MAP3K11: variants seen among roughly 807,000 people sequenced by gnomAD.
The protein encoded by MAP3K11 is SH3 domain-containing proline-rich kinase.
Under a neutral mutation model 84.9 loss-of-function variants are expected in MAP3K11, and 46 were observed. The observed-to-expected ratio is 0.54, with a 90% CI of 0.43 to 0.69. MAP3K11 has a LOEUF of 0.69. Ranked by LOEUF, MAP3K11 falls within the 30% of genes least tolerant of loss-of-function variation. The pLI is 0.00. For synonymous variants in MAP3K11, 527 were observed against 514.7 expected, an observed-to-expected ratio of 1.02 and a Z score of -0.32; for missense variants, 1,053 against 1,198.3, an observed-to-expected ratio of 0.88 and a Z score of 1.79.
chr11:65,613,596 G>C lies in MAP3K11; in HGVS notation c.161C>G (p.Pro54Arg). 6.2e-7 allele frequency: 1 copy of C among 1,613,128 alleles called. No individual in the cohort carries two copies. Among genetic ancestry groups the C allele is most frequent in the Non-Finnish European group, 8.5e-7 (1 of 1,179,976 alleles). The change falls in exon 1 of 10, where the codon CCC becomes CGC. Residue 54 changes from proline to arginine, a missense_variant. Coordinates refer to ENST00000309100, the MANE Select transcript of MAP3K11 (RefSeq NM_002419.4). The stretch of plus-strand genomic sequence containing the variant: ...CAGGGCCAGCTCATCCTGCCCACTG[G>C]GCTCGTAGTCGAACAGGGCTGTCCA... ...PVWTALFDYE[P>R]SGQDELALRK... is the part of the protein sequence containing the mutation.
Position 65,613,500 on chromosome 11 carries a change from C to T in MAP3K11, c.257G>A (p.Gly86Asp). 6.2e-7 allele frequency: 1 copy of T among 1,611,062 alleles called. No individual in the cohort carries two copies. The highest frequency in any genetic ancestry group is 1.1e-5 in the South Asian group (1 of 90,934). The change falls in exon 1 of 10, where the codon GGC becomes GAC. Residue 86 changes from glycine to aspartate, a missense_variant. By Grantham distance (94) the Gly-to-Asp change is moderately conservative (BLOSUM62 -1). This residue lies in a region of MAP3K11 where 160 missense variants were observed against 167.3 expected (regional missense o/e 0.96). Coordinates refer to ENST00000309100, the MANE Select transcript of MAP3K11 (RefSeq NM_002419.4). Reference protein sequence around the residue: ...AISGDEGWWAGQVGGQVGIFP... With the variant: ...AISGDEGWWADQVGGQVGIFP... Reference sequence around the variant, plus strand: ...GATGCCCACCTGGCCACCCACCTGGCCCGCCCACCAGCCCTCGTCTCCTGA... The same window carrying T: ...GATGCCCACCTGGCCACCCACCTGGTCCGCCCACCAGCCCTCGTCTCCTGA...
intron 1 of MAP3K11, 82 bp from the exon 2 acceptor site, chr11:65,608,530 C>T (rs759169271): frequency 1.0e-4 from 140 of 1,349,848 alleles, no homozygotes; most frequent in Non-Finnish European, 1.4e-4. Context: ...ACTCATCTGA[C>T]GGACATCCTG....
chr11:65,606,533 C>T (rs956846572), intron 6 of MAP3K11, 158 bp downstream of exon 6: 3 of 540,300 alleles, frequency 5.6e-6, no homozygotes, highest in Admixed American at 3.8e-5. Flanking sequence ...ATTAATGCTG[C>T]TTGGGGAGTT....
chr11:65,613,279 T>G lies in MAP3K11; in HGVS notation c.478A>C (p.Ser160Arg). Reference sequence around the variant, plus strand: ...AAGAGCCGGGCCTCCTGGCGAACGCTCTCGGCTGTCACACTGATGTCCTCA... The same window carrying G: ...AAGAGCCGGGCCTCCTGGCGAACGCGCTCGGCTGTCACACTGATGTCCTCA... ...PDEDISVTAESVRQEARLFAM... is the reference protein window; with the variant it reads ...PDEDISVTAERVRQEARLFAM... The change falls in exon 1 of 10, where the codon AGC (serine) becomes CGC (arginine). Residue 160 changes from serine (S) to arginine (R), a missense_variant. By Grantham distance (110) the Ser-to-Arg change is moderately radical (BLOSUM62 -1). This residue lies in a region of MAP3K11 where 310 missense variants were observed against 464.5 expected (regional missense o/e 0.67). Transcript: ENST00000309100. 6.2e-7 allele frequency: 1 copy of G among 1,612,782 alleles called. No homozygotes were observed. Among genetic ancestry groups the G allele is most frequent in the Non-Finnish European group, 8.5e-7 (1 of 1,179,602 alleles).
In MAP3K11 at chr11:65,607,773, G is replaced by A; in HGVS notation, c.1113C>T (p.Ser371=). 1 of 1,613,378 alleles carries A rather than the reference G, an allele frequency of 6.2e-7. No homozygotes were observed. The highest frequency in any genetic ancestry group is 8.5e-7 in the Non-Finnish European group (1 of 1,179,768). Residue 371 remains serine, a synonymous_variant, in exon 4 of 10, where the codon TCC becomes TCT. Transcript: ENST00000309100. ...CCAGCGCCTCCAACTGCTGCAGGAT[G>A]GAGGCGAAGTCGGGCCTGCGGTGGG... ...QDPHRRPDFA[S]ILQQLEALEA...
In MAP3K11 at chr11:65,613,789, C is replaced by T; in HGVS notation, c.-33G>A. The T allele has an allele frequency of 1.3e-6, 2 of 1,501,432 alleles. No homozygotes were observed. Among genetic ancestry groups the T allele is most frequent in the Non-Finnish European group, 1.8e-6 (2 of 1,130,694 alleles). The allele number at this position is 1,501,432 out of a possible 1,614,324, so 93.0% of individuals were successfully genotyped here. A position where few individuals can be genotyped will look rare whatever the true frequency, so the allele number is the denominator to read the frequency against. ...AGCCGGCGCTGGGATGTGTGGAGGACCTTCTCTGGGTGCCCGTGGTCCCCA... is the reference window on the plus strand; with the variant it reads ...AGCCGGCGCTGGGATGTGTGGAGGATCTTCTCTGGGTGCCCGTGGTCCCCA... On this transcript the variant is annotated 5_prime_UTR_variant, in exon 1 of 10. Transcript: ENST00000309100.
At chr11:65,606,841 G>T in intron 5 of MAP3K11, 37 bp from the exon 6 acceptor site, 1 of 1,413,604 alleles carries the variant, frequency 7.1e-7, no homozygotes, top group Non-Finnish European at 9.9e-7. Context: ...GTTCAGGTTT[G>T]TGATGAAGTA....
chr11:65,599,457 C>A lies in MAP3K11; in HGVS notation c.2143G>T (p.Asp715Tyr). 1 of 1,518,206 alleles carries A rather than the reference C, an allele frequency of 6.6e-7. No homozygotes were observed. Among genetic ancestry groups the A allele is most frequent in the South Asian group, 1.3e-5 (1 of 77,822 alleles). 94.0% of individuals were successfully genotyped at this position (1,518,206 alleles called of 1,614,324 possible). A position where few individuals can be genotyped will look rare whatever the true frequency, so the allele number is the denominator to read the frequency against. Residue 715 changes from aspartate (D) to tyrosine (Y), a missense_variant, in exon 9 of 10, where the codon GAC becomes TAC. Asp to Tyr is a radical substitution (Grantham distance 160, BLOSUM62 -3). Coordinates refer to ENST00000309100, the MANE Select transcript of MAP3K11 (RefSeq NM_002419.4). ...CGCTGGCCCACAGGGATACCCAGGT[C>A]CAGCAACAGGGGTGCAGGAGTGGGC... ...SPPTPAPLLLDLGIPVGQRSA... is the reference protein window; with the variant it reads ...SPPTPAPLLLYLGIPVGQRSA...
chr11:65,599,494 C>T lies in MAP3K11; in HGVS notation c.2106G>A (p.Thr702=), dbSNP rs574349499. The change falls in exon 9 of 10, where the codon ACG becomes ACA. Residue 702 remains threonine, a synonymous_variant. Transcript: ENST00000309100. The stretch of plus-strand genomic sequence containing the variant: ...GTGCAGGAGTGGGCGGGGAGTCGGG[C>T]GTCTTGAGCGAGAAGCAGATGAGCG... ...PSPLICFSLK[T]PDSPPTPAPL... The T allele has an allele frequency of 8.7e-6, 13 of 1,496,932 alleles. No homozygotes were observed. The highest frequency in any genetic ancestry group is 1.5e-5 in the African/African-American group (1 of 66,950). 92.7% of individuals were successfully genotyped at this position (1,496,932 alleles called of 1,614,324 possible).
Position 65,598,311 on chromosome 11 carries a change from C to T in MAP3K11, c.2524G>A (p.Val842Met). 1 of 1,473,742 alleles carries T rather than the reference C, an allele frequency of 6.8e-7. No homozygotes were observed. Among genetic ancestry groups the T allele is most frequent in the Non-Finnish European group, 9.0e-7 (1 of 1,111,046 alleles). The allele number at this position is 1,473,742 out of a possible 1,614,324, so 91.3% of individuals were successfully genotyped here. A position where few individuals can be genotyped will look rare whatever the true frequency, so the allele number is the denominator to read the frequency against. ...CCCACTCAAGGCCCCGCTTCCGGCA[C>T]CCACGGGGCCTGGGCACCCATGTCT... ...TKDMGAQAPW[V>M]PEAGP Residue 842 changes from valine (V) to methionine (M), a missense_variant, in exon 10 of 10, where the codon GTG becomes ATG. Physicochemically the swap from Val to Met is conservative, Grantham distance 21. Coordinates refer to ENST00000309100, the MANE Select transcript of MAP3K11 (RefSeq NM_002419.4).
At chr11:65,606,505 TA>T (rs112629622) in intron 6 of MAP3K11, 185 bp downstream of exon 6, 493 of 444,150 alleles carry the variant, frequency 1.1e-3, no homozygotes, top group South Asian at 2.4e-3. Context: ...ATTATTTGAC[TA>T]AAAAAAAATA....
intron 8 of MAP3K11, among the ~76,000 whole-genome samples, chr11:65,601,099 T>C (rs1854450533): frequency 6.6e-6 from 1 of 152,232 alleles, no homozygotes; most frequent in Non-Finnish European, 1.5e-5. Context: ...CAACATCTAC[T>C]GACCCATGTG....
At chr11:65,608,635 AAGAT>A in intron 1 of MAP3K11, 187 bp from the exon 2 acceptor site, 1 of 576,102 alleles carries the variant, frequency 1.7e-6, no homozygotes. Context: ...TTTTTTTCTT[AAGAT>A]AGAGTTTTGC....
At position 65,607,472 on chromosome 11, in the gene MAP3K11, G is replaced by GCGCGCCGCTCGCGTCAGCTCCTCCT; in HGVS notation, c.1262_1286dup (p.Glu430GlyfsTer90). ...GCTGCTCCGCCTGTGACCGCTGCTC[G>GCGCGCCGCTCGCGTCAGCTCCTCCT]CGCGCCGCTCGCGTCAGCTCCTCCT... is the stretch of plus-strand genomic sequence containing the variant. On this transcript the variant is annotated frameshift_variant, in exon 5 of 10. Coordinates refer to ENST00000309100, the MANE Select transcript of MAP3K11 (RefSeq NM_002419.4). LOFTEE classifies it high-confidence loss of function. 1 of 1,562,750 alleles carries GCGCGCCGCTCGCGTCAGCTCCTCCT rather than the reference G, an allele frequency of 6.4e-7. No homozygotes were observed.
chr11:65,599,939 C>T (rs1169779752), intron 8 of MAP3K11, among the ~76,000 whole-genome samples, 171 bp from the exon 9 acceptor site: 2 of 152,234 alleles, frequency 1.3e-5, no homozygotes, highest in Non-Finnish European at 2.9e-5. Flanking sequence ...TCTGGCCTTT[C>T]ACAAGATGGG....
Position 65,613,250 on chromosome 11 carries a change from G to A in MAP3K11, c.507C>T (p.Ala169=). ...CAATGATGTTGGGGTGTGCCAGCAT[G>A]GCGAAGAGCCGGGCCTCCTGGCGAA... is the stretch of plus-strand genomic sequence containing the variant. ...ESVRQEARLF[A]MLAHPNIIAL... is the part of the protein sequence containing the mutation. The change falls in exon 1 of 10, where the codon GCC becomes GCT. Residue 169 remains alanine (A), a synonymous_variant. Transcript: ENST00000309100. The A allele has an allele frequency of 6.2e-7, 1 of 1,608,162 alleles. No individual in the cohort carries two copies. The highest frequency in any genetic ancestry group is 8.5e-7 in the Non-Finnish European group (1 of 1,176,428).
intron 1 of MAP3K11, chr11:65,610,123 C>A (rs1193115809): frequency 6.5e-6 from 1 of 152,716 alleles, no homozygotes; most frequent in African/African-American, 2.4e-5. Context: ...CCACTGGCAT[C>A]TTCCACATTT....
intron 6 of MAP3K11, chr11:65,606,387 C>T (rs1039049962): frequency 1.3e-4 from 55 of 423,264 alleles, no homozygotes; most frequent in Non-Finnish European, 2.1e-4. Context: ...TCACTTTTCT[C>T]ATCCATAAAA....
At position 65,613,317 on chromosome 11, in the gene MAP3K11, C is replaced by T. The variant is rs1239623139; in HGVS notation, c.440G>A (p.Arg147His). 1 of 1,613,132 alleles carries T rather than the reference C, an allele frequency of 6.2e-7. No homozygotes were observed. Among genetic ancestry groups the T allele is most frequent in the Non-Finnish European group, 8.5e-7 (1 of 1,179,958 alleles). Reference protein sequence around the residue: ...RGELVAVKAARQDPDEDISVT... With the variant: ...RGELVAVKAAHQDPDEDISVT... ...ACTGATGTCCTCATCGGGGTCCTGG[C>T]GAGCTGCCTTCACAGCCACCAGCTC... The change falls in exon 1 of 10, where the codon CGC (arginine) becomes CAC (histidine). Residue 147 changes from arginine to histidine, a missense_variant. Transcript: ENST00000309100.
Sources: gnomAD v4.1 joint callset for allele counts (sites outside exome capture counted in the v4.1 genomes callset) on GRCh38, gnomAD v4.1.1 for gene constraint, gnomAD v4.1.1 regional missense constraint, MANE v1.5 for transcripts, NCBI Gene and HGNC (gene_info 2026-07-23, HGNC 2026-07-21) for gene names.